Variants in KLF8 observed in about 807,000 individuals in gnomAD.
KLF8 encodes the protein Krueppel-like factor 8.
In KLF8, 10 loss-of-function variants were observed where a neutral mutation model predicts 18.2. The ratio of observed to expected loss-of-function variants is 0.55; its 90% CI spans 0.34 to 0.93. The LOEUF (loss-of-function observed/expected upper bound fraction) is 0.93, where lower values mean the gene tolerates loss of function less well. Among genes scored for constraint, KLF8 ranks in the 40% least tolerant of loss-of-function variants. KLF8 has a pLI of 0.02. For synonymous variants in KLF8, 109 were observed against 97.3 expected, an observed-to-expected ratio of 1.12 and a Z score of -0.71; for missense variants, 264 against 277.9, an observed-to-expected ratio of 0.95 and a Z score of 0.36.
the KLF8 span, among the ~76,000 whole-genome samples, chrX:56,076,135 A>T: frequency 9.6e-6 from 1 of 104,183 alleles, no homozygotes; most frequent in Non-Finnish European, 1.9e-5. Context: ...AAAGGACATG[A>T]ACTCATAATT....
the KLF8 span, among the ~76,000 whole-genome samples, chrX:56,120,121 G>A: frequency 9.0e-6 from 1 of 110,773 alleles, no homozygotes; most frequent in Non-Finnish European, 1.9e-5. Context: ...TCCAAAACTA[G>A]TCTTTTAGTC....
chrX:56,174,007 G>T, the KLF8 span, among the ~76,000 whole-genome samples: 1 of 111,587 alleles, frequency 9.0e-6, no homozygotes, highest in African/African-American at 3.3e-5. Context: ...TGAGACGATG[G>T]GGTTTTCTAG....
chrX:55,960,370 G>A, the KLF8 span, among the ~76,000 whole-genome samples: 166 of 111,193 alleles, frequency 1.5e-3, no homozygotes, highest in African/African-American at 5.3e-3. Context: ...TACAAAATTA[G>A]CCAGGTGTGG....
At chrX:56,240,950 T>A (rs1162585957) in intron 1 of KLF8, among the ~76,000 whole-genome samples, 1 of 111,460 alleles carries the variant, frequency 9.0e-6, no homozygotes, top group Admixed American at 9.6e-5. Context: ...CGTTTACCTA[T>A]GTAACAAACC....
At chrX:56,207,303 G>C in the KLF8 span, among the ~76,000 whole-genome samples, 1 of 112,138 alleles carries the variant, frequency 8.9e-6, no homozygotes, top group East Asian at 2.8e-4. Context: ...TCAGAAAATG[G>C]GTTTTTCTTT....
chrX:55,932,997 T>G, the KLF8 span, among the ~76,000 whole-genome samples: 1 of 111,965 alleles, frequency 8.9e-6, no homozygotes, highest in East Asian at 2.8e-4. Context: ...CTTTTAAAAT[T>G]CTGTTTATGT....
intron 1 of KLF8, among the ~76,000 whole-genome samples, chrX:56,249,064 G>C (rs2066667233): frequency 1.8e-5 from 2 of 112,299 alleles, no homozygotes; most frequent in Non-Finnish European, 3.8e-5. Context: ...TCTATTGGAA[G>C]TCAGTTTTCT....
chrX:56,166,763 C>T, the KLF8 span, among the ~76,000 whole-genome samples: 3 of 111,841 alleles, frequency 2.7e-5, no homozygotes, highest in African/African-American at 9.8e-5. Flanking sequence ...AACTGCCCAG[C>T]TAATAACAGC....
the KLF8 span, among the ~76,000 whole-genome samples, chrX:56,112,392 A>G: frequency 3.2e-4 from 36 of 111,490 alleles, no homozygotes; most frequent in African/African-American, 1.1e-3. Flanking sequence ...TGATGGGTTG[A>G]TGGGTGCAGC....
At chrX:56,048,619 T>A in the KLF8 span, among the ~76,000 whole-genome samples, 6 of 111,893 alleles carry the variant, frequency 5.4e-5, no homozygotes, top group East Asian at 1.7e-3. Flanking sequence ...TCTGTTCCAT[T>A]GGTCTATATC....
At chrX:56,077,866 T>C in the KLF8 span, among the ~76,000 whole-genome samples, 4 of 110,695 alleles carry the variant, frequency 3.6e-5, no homozygotes, top group African/African-American at 1.3e-4. Flanking sequence ...ACGTCCCTTG[T>C]AAGTTGAATT....
chrX:56,234,612 T>A (rs2066451287), intron 1 of KLF8, among the ~76,000 whole-genome samples: 1 of 112,774 alleles, frequency 8.9e-6, no homozygotes, highest in Non-Finnish European at 1.9e-5. Flanking sequence ...TGCTTCTGAT[T>A]TAACATTGTT....
chrX:56,242,534 C>T (rs1386011268), intron 1 of KLF8, among the ~76,000 whole-genome samples: 1 of 111,998 alleles, frequency 8.9e-6, no homozygotes, highest in African/African-American at 3.2e-5. Context: ...GGTGTATTCC[C>T]ATTTTTCAAA....
chrX:56,113,916 G>A, the KLF8 span, among the ~76,000 whole-genome samples: 1 of 111,157 alleles, frequency 9.0e-6, no homozygotes, highest in Non-Finnish European at 1.9e-5. Context: ...GTGCTGGGGG[G>A]AATCCCACTC....
At chrX:55,971,433 A>T in the KLF8 span, among the ~76,000 whole-genome samples, 2 of 111,236 alleles carry the variant, frequency 1.8e-5, no homozygotes, top group African/African-American at 6.5e-5. Context: ...AACGACTTAA[A>T]TCTAAGACCT....
chrX:56,013,032 A>T, the KLF8 span, among the ~76,000 whole-genome samples: 1 of 112,031 alleles, frequency 8.9e-6, no homozygotes, highest in African/African-American at 3.2e-5. Context: ...AACAGAGTAG[A>T]GAACCCAGAA....
chrX:56,258,327 C>CAGTG (rs928527198), intron 2 of KLF8, among the ~76,000 whole-genome samples: 21 of 112,370 alleles, frequency 1.9e-4, no homozygotes, highest in Admixed American at 1.4e-3. Context: ...GGCTTGAGTG[C>CAGTG]AGTGGTGTGA....
At chrX:56,262,338 T>A (rs1221315190) in intron 2 of KLF8, among the ~76,000 whole-genome samples, 1 of 112,003 alleles carries the variant, frequency 8.9e-6, no homozygotes, top group East Asian at 2.8e-4. Flanking sequence ...ATTTTAGATG[T>A]TCCTACGTAA....
the KLF8 span, among the ~76,000 whole-genome samples, chrX:56,049,995 G>T: frequency 9.0e-6 from 1 of 111,343 alleles, no homozygotes; most frequent in African/African-American, 3.3e-5. Context: ...TTTAGTCTTG[G>T]CAGGGTGTAT....
Sources: gnomAD v4.1 joint callset for allele counts (sites outside exome capture counted in the v4.1 genomes callset) on GRCh38, gnomAD v4.1.1 for gene constraint, MANE v1.5 for transcripts, NCBI Gene and HGNC (gene_info 2026-07-23, HGNC 2026-07-21) for gene names.